HSPA4: variants seen among roughly 807,000 people sequenced by gnomAD.
HSPA4 encodes the protein heat shock 70 kDa protein 4.
A neutral mutation model predicts 106.2 loss-of-function variants in HSPA4; 25 were observed. The observed-to-expected ratio is 0.24, with a 90% CI of 0.17 to 0.33. HSPA4 has a LOEUF of 0.33. HSPA4 is among the 10% of genes least tolerant of loss of function. HSPA4 has a pLI of 1.00. For synonymous variants in HSPA4, 332 were observed against 333.6 expected, an observed-to-expected ratio of 1.00 and a Z score of 0.05; for missense variants, 841 against 996.0, an observed-to-expected ratio of 0.84 and a Z score of 2.10.
chr5:133,099,304 T>G (rs1340692246), intron 15 of HSPA4, among the ~76,000 whole-genome samples: 3 of 151,926 alleles, frequency 2.0e-5, no homozygotes, highest in Admixed American at 6.6e-5. Context: ...TAATTTTTTT[T>G]GTATTTTTAG....
At chr5:133,056,459 C>T (rs913028877) in intron 1 of HSPA4, among the ~76,000 whole-genome samples, 8 of 152,144 alleles carry the variant, frequency 5.3e-5, no homozygotes, top group Non-Finnish European at 8.8e-5. Context: ...TTTAGGTAGA[C>T]GTGGTTTCGC....
At chr5:133,053,227 C>T (rs946130746) in intron 1 of HSPA4, among the ~76,000 whole-genome samples, 1 of 151,824 alleles carries the variant, frequency 6.6e-6, no homozygotes, top group African/African-American at 2.4e-5. Flanking sequence ...GTTACAGTGT[C>T]TGCCTTTTGA....
intron 4 of HSPA4, among the ~76,000 whole-genome samples, chr5:133,072,150 T>C (rs920261341): frequency 6.6e-6 from 1 of 152,174 alleles, no homozygotes; most frequent in African/African-American, 2.4e-5. Flanking sequence ...CACTGGAGTT[T>C]TGGTAATTTG....
intron 10 of HSPA4, 72 bp downstream of exon 10, chr5:133,089,233 C>A: frequency 1.2e-6 from 1 of 835,440 alleles, no homozygotes; most frequent in Non-Finnish European, 1.9e-6. Context: ...TGTTGCTTTT[C>A]ATTTCAGTTT....
intron 9 of HSPA4, 39 bp from the exon 10 acceptor site, chr5:133,089,016 A>G (rs770205432): frequency 1.2e-5 from 13 of 1,118,466 alleles, no homozygotes; most frequent in Non-Finnish European, 1.3e-5. Context: ...TATATTGTCT[A>G]TACTTGTTAA....
At chr5:133,089,511 A>G in intron 10 of HSPA4, 51 bp from the exon 11 acceptor site, 1 of 1,563,348 alleles carries the variant, frequency 6.4e-7, no homozygotes, top group South Asian at 1.1e-5. Context: ...ACATGGGTAA[A>G]AGTGTTAGGA....
chr5:133,098,924 C>T (rs897540420), intron 15 of HSPA4, among the ~76,000 whole-genome samples: 1 of 152,100 alleles, frequency 6.6e-6, no homozygotes, highest in African/African-American at 2.4e-5. Flanking sequence ...CCGCCTCAGC[C>T]TCCCAAAGTG....
chr5:133,092,804 G>C lies in HSPA4; in HGVS notation c.1650+15G>C. 1.4e-6 allele frequency: 1 copy of C among 717,736 alleles called. No individual in the cohort carries two copies. Among genetic ancestry groups the C allele is most frequent in the African/African-American group, 2.6e-5 (1 of 38,936 alleles). The allele number at this position is 717,736 out of a possible 1,614,324, so 44.5% of individuals were successfully genotyped here. ...AAGAAATGGAGGTATGCATTGGGTG[G>C]TGTTTTTTTTTTTTTTTTTTTTTTT... On this transcript the variant is annotated intron_variant, in intron 13 of 18. Coordinates refer to ENST00000304858, the MANE Select transcript of HSPA4 (RefSeq NM_002154.4).
intron 10 of HSPA4, among the ~76,000 whole-genome samples, 173 bp from the exon 11 acceptor site, chr5:133,089,389 C>CT (rs1478793425): frequency 6.6e-6 from 1 of 152,006 alleles, no homozygotes; most frequent in Non-Finnish European, 1.5e-5. Flanking sequence ...ACGTATATTC[C>CT]TTTTTTACTG....
chr5:133,102,880 T>C (rs1187748263), intron 17 of HSPA4, among the ~76,000 whole-genome samples: 1 of 147,438 alleles, frequency 6.8e-6, no homozygotes, highest in African/African-American at 2.5e-5. Flanking sequence ...GCTGGGACTA[T>C]AGGCACGTAC....
intron 7 of HSPA4, among the ~76,000 whole-genome samples, chr5:133,085,467 C>T (rs1399479072): frequency 1.7e-5 from 2 of 121,106 alleles, no homozygotes; most frequent in African/African-American, 8.7e-5. Context: ...GCCTGACCAA[C>T]ATGGTGAAAT....
At chr5:133,095,962 G>A (rs1765706099) in intron 13 of HSPA4, 136 bp from the exon 14 acceptor site, 1 of 606,606 alleles carries the variant, frequency 1.6e-6, no homozygotes, top group African/African-American at 1.9e-5. Flanking sequence ...AGATGTTATG[G>A]TAGTCCTAAG....
chr5:133,088,868 ATAGC>A (rs1379406302), intron 9 of HSPA4, among the ~76,000 whole-genome samples, 183 bp from the exon 10 acceptor site: 1 of 152,206 alleles, frequency 6.6e-6, no homozygotes, highest in Non-Finnish European at 1.5e-5. Flanking sequence ...AAAATAAGGA[ATAGC>A]TAGATTATAT....
At chr5:133,084,260 C>T (rs2126708288) in intron 7 of HSPA4, among the ~76,000 whole-genome samples, 1 of 152,284 alleles carries the variant, frequency 6.6e-6, no homozygotes, top group Middle Eastern at 3.4e-3. Context: ...GTTTGTTTCA[C>T]ATGCCATTTG....
intron 12 of HSPA4, among the ~76,000 whole-genome samples, chr5:133,092,488 C>T (rs1765658208): frequency 6.6e-6 from 1 of 152,088 alleles, no homozygotes; most frequent in South Asian, 2.1e-4. Context: ...TAGGGCAGGG[C>T]GAGTGTTATC....
At chr5:133,097,660 T>TC (rs891501470) in intron 15 of HSPA4, among the ~76,000 whole-genome samples, 1 of 149,758 alleles carries the variant, frequency 6.7e-6, no homozygotes, top group African/African-American at 2.5e-5. Context: ...GCAGTTCTCC[T>TC]CCCCCAGCCT....
Position 133,076,676 on chromosome 5 carries a change from C to G in HSPA4, c.686C>G (p.Thr229Arg). 1 of 1,613,206 alleles carries G rather than the reference C, an allele frequency of 6.2e-7. No individual in the cohort carries two copies. Among genetic ancestry groups the G allele is most frequent in the Non-Finnish European group, 8.5e-7 (1 of 1,179,404 alleles). ...AAGGTTCTGGCCACTGCATTTGACA[C>G]GACATTGGGAGGTAGAAAATTTGAT... ...KLKVLATAFD[T>R]TLGGRKFDEV... Residue 229 changes from threonine to arginine, a missense_variant, in exon 7 of 19, where the codon ACG (threonine) becomes AGG (arginine). Physicochemically the swap from Thr to Arg is moderately conservative, Grantham distance 71 (BLOSUM62 -1). Around this residue, in one of 5 missense-constraint regions of HSPA4, gnomAD observed 347 missense variants for 408.7 expected, o/e 0.85. Coordinates refer to ENST00000304858, the MANE Select transcript of HSPA4 (RefSeq NM_002154.4).
rs767196122 is a variant in HSPA4 at position 133,052,227 on chromosome 5, C to T, written c.-24C>T. 12 of 1,535,150 alleles carry T rather than the reference C, an allele frequency of 7.8e-6. No homozygotes were observed. In the South Asian group the frequency reaches 9.3e-5, roughly 12 times the overall value. On this transcript the variant is annotated 5_prime_UTR_variant, in exon 1 of 19. Transcript: ENST00000304858. The stretch of plus-strand genomic sequence containing the variant: ...CTGTCTCGGTGGCCGGACCCGGGCC[C>T]GAGCCCGAGCAGTAGCCGGCGCCAT...
intron 7 of HSPA4, among the ~76,000 whole-genome samples, chr5:133,079,698 C>G (rs1455045157): frequency 6.6e-6 from 1 of 152,202 alleles, no homozygotes; most frequent in African/African-American, 2.4e-5. Context: ...AATCTCCAAA[C>G]TATATTTCTC....
Sources: gnomAD v4.1 joint callset for allele counts (sites outside exome capture counted in the v4.1 genomes callset) on GRCh38, gnomAD v4.1.1 for gene constraint, gnomAD v4.1.1 regional missense constraint, MANE v1.5 for transcripts, NCBI Gene and HGNC (gene_info 2026-07-23, HGNC 2026-07-21) for gene names.